LDB2: variants seen among roughly 807,000 people sequenced by gnomAD.
The protein encoded by LDB2 is LIM domain binding 2.
In LDB2, 12 loss-of-function variants were observed where a neutral mutation model predicts 44.3. The observed-to-expected ratio is 0.27, with a 90% CI of 0.17 to 0.44. LDB2 has a LOEUF of 0.44. LDB2 is among the 20% of genes least tolerant of loss of function. The pLI is 1.00. For missense variants in LDB2, 344 were observed against 473.5 expected (o/e 0.73, Z 2.54); for synonymous variants, 164 against 174.8 (o/e 0.94, Z 0.49).
At chr4:16,847,572 C>A (rs567929639) in intron 1 of LDB2, among the ~76,000 whole-genome samples, 1 of 152,226 alleles carries the variant, frequency 6.6e-6, no homozygotes, top group African/African-American at 2.4e-5. Flanking sequence ...ACTTGGCAAT[C>A]ATTGGTAAAG....
At chr4:16,581,404 T>A in intron 5 of LDB2, 2 of 985,170 alleles carry the variant, frequency 2.0e-6, no homozygotes, top group Non-Finnish European at 2.4e-6. Flanking sequence ...GAGAGGATGC[T>A]TGTCTTGACC....
intron 1 of LDB2, among the ~76,000 whole-genome samples, chr4:16,867,872 C>A: frequency 6.6e-6 from 1 of 152,148 alleles, no homozygotes; most frequent in African/African-American, 2.4e-5. Flanking sequence ...AAGATATCAA[C>A]AATCCATGAC....
chr4:16,878,960 T>A (rs1402308647), intron 1 of LDB2, among the ~76,000 whole-genome samples: 1 of 152,234 alleles, frequency 6.6e-6, no homozygotes, highest in African/African-American at 2.4e-5. Context: ...GTGCACTGAT[T>A]ACATTGTGAT....
chr4:16,820,901 T>A (rs1781830830), intron 1 of LDB2, among the ~76,000 whole-genome samples: 1 of 152,148 alleles, frequency 6.6e-6, no homozygotes, highest in South Asian at 2.1e-4. Context: ...AAGGGATGTT[T>A]CCCCCACCGC....
At chr4:16,504,814 G>GGAGAT (rs1394687580) in intron 7 of LDB2, among the ~76,000 whole-genome samples, 1 of 152,214 alleles carries the variant, frequency 6.6e-6, no homozygotes, top group East Asian at 1.9e-4. Flanking sequence ...AAGAACAAAG[G>GGAGAT]GAGATGGAAA....
intron 1 of LDB2, among the ~76,000 whole-genome samples, chr4:16,761,833 A>G (rs1767987311): frequency 6.6e-6 from 1 of 152,078 alleles, no homozygotes; most frequent in Non-Finnish European, 1.5e-5. Context: ...TCCACTTTAT[A>G]AAGAACTGCA....
At chr4:16,521,316 A>G (rs554341850) in intron 5 of LDB2, among the ~76,000 whole-genome samples, 10 of 152,206 alleles carry the variant, frequency 6.6e-5, no homozygotes, top group Non-Finnish European at 1.0e-4. Flanking sequence ...GGCACCTGCA[A>G]TCCTTGGGGC....
At chr4:16,782,243 T>C (rs1357031326) in intron 1 of LDB2, among the ~76,000 whole-genome samples, 1 of 152,236 alleles carries the variant, frequency 6.6e-6, no homozygotes, top group African/African-American at 2.4e-5. Context: ...ATCTCCACTC[T>C]GAATTCCTTG....
At chr4:16,527,060 CTTAT>C (rs946042514) in intron 5 of LDB2, among the ~76,000 whole-genome samples, 4 of 152,192 alleles carry the variant, frequency 2.6e-5, no homozygotes, top group East Asian at 1.9e-4. Context: ...TTATTAATAA[CTTAT>C]TTATTATTTA....
chr4:16,514,602 T>G (rs936117034), intron 5 of LDB2, among the ~76,000 whole-genome samples: 11 of 152,206 alleles, frequency 7.2e-5, no homozygotes, highest in Non-Finnish European at 1.3e-4. Context: ...CTTAAACCAC[T>G]CACCCCATTT....
At chr4:16,698,689 T>C (rs1012628207) in intron 2 of LDB2, among the ~76,000 whole-genome samples, 5 of 152,242 alleles carry the variant, frequency 3.3e-5, no homozygotes, top group Admixed American at 6.5e-5. Context: ...TCTTCCTGAT[T>C]TGTCATTCTT....
intron 1 of LDB2, among the ~76,000 whole-genome samples, chr4:16,870,885 C>G (rs1363581238): frequency 2.0e-5 from 3 of 152,132 alleles, no homozygotes; most frequent in African/African-American, 7.2e-5. Flanking sequence ...CCGCCCACCT[C>G]GGCCTCCCAA....
intron 6 of LDB2, 63 bp downstream of exon 6, chr4:16,511,918 C>A: frequency 6.5e-7 from 1 of 1,542,158 alleles, no homozygotes; most frequent in Non-Finnish European, 8.8e-7. Context: ...TTTCACATCA[C>A]TTCATCCCTG....
At chr4:16,853,517 C>T (rs1386979165) in intron 1 of LDB2, among the ~76,000 whole-genome samples, 1 of 152,132 alleles carries the variant, frequency 6.6e-6, no homozygotes, top group Non-Finnish European at 1.5e-5. Flanking sequence ...AATTCTTGTA[C>T]ACTGTTAGTG....
chr4:16,809,763 G>A (rs1350269579), intron 1 of LDB2, among the ~76,000 whole-genome samples: 1 of 151,702 alleles, frequency 6.6e-6, no homozygotes, highest in Non-Finnish European at 1.5e-5. Flanking sequence ...GGAACTACAT[G>A]GGACTCGCTG....
chr4:16,754,907 G>A (rs1173051046), intron 2 of LDB2, among the ~76,000 whole-genome samples: 1 of 152,162 alleles, frequency 6.6e-6, no homozygotes, highest in Non-Finnish European at 1.5e-5. Flanking sequence ...ATGGATTAAA[G>A]CCCAAGAATG....
intron 5 of LDB2, among the ~76,000 whole-genome samples, chr4:16,543,543 A>G (rs1734644033): frequency 1.3e-5 from 2 of 152,174 alleles, no homozygotes; most frequent in East Asian, 1.9e-4. Flanking sequence ...GCATTTTTTC[A>G]TGTGTTTTTT....
At chr4:16,629,505 C>G (rs1731270124) in intron 2 of LDB2, among the ~76,000 whole-genome samples, 1 of 152,054 alleles carries the variant, frequency 6.6e-6, no homozygotes. Context: ...TGGAGTGGAC[C>G]TCCAGCAAAC....
At chr4:16,687,646 A>G (rs1021779807) in intron 2 of LDB2, among the ~76,000 whole-genome samples, 2 of 152,176 alleles carry the variant, frequency 1.3e-5, no homozygotes, top group Non-Finnish European at 1.5e-5. Flanking sequence ...AGATGTACTT[A>G]CCCATATCAA....
Sources: gnomAD v4.1 joint callset for allele counts (sites outside exome capture counted in the v4.1 genomes callset) on GRCh38, gnomAD v4.1.1 for gene constraint, MANE v1.5 for transcripts, NCBI Gene and HGNC (gene_info 2026-07-23, HGNC 2026-07-21) for gene names.